CCDC47: variants seen among roughly 807,000 people sequenced by gnomAD.
CCDC47 encodes the protein coiled-coil domain containing 47, also known as PAT complex subunit CCDC47.
CCDC47 carries 41 observed loss-of-function variants against 60.5 expected under a neutral mutation model. The observed-to-expected ratio is 0.68, with a 90% confidence interval of 0.53 to 0.88. The LOEUF is 0.88. CCDC47 is among the 40% of genes least tolerant of loss of function. CCDC47 has a pLI of 0.00. For synonymous variants in CCDC47, 195 were observed against 190.7 expected, an observed-to-expected ratio of 1.02 and a Z score of -0.18; for missense variants, 513 against 580.9, an observed-to-expected ratio of 0.88 and a Z score of 1.20.
intron 6 of CCDC47, among the ~76,000 whole-genome samples, chr17:63,759,574 T>C (rs1282686331): frequency 1.2e-5 from 1 of 84,374 alleles, no homozygotes; most frequent in Non-Finnish European, 2.3e-5. Context: ...TATATATATA[T>C]ATAAAACAAT....
chr17:63,761,453 G>A, intron 4 of CCDC47, 102 bp from the exon 5 acceptor site: 2 of 1,300,214 alleles, frequency 1.5e-6, no homozygotes, highest in Non-Finnish European at 2.2e-6. Flanking sequence ...AGGCTGAGGT[G>A]GGTGGATCAC....
chr17:63,747,403 T>C, intron 12 of CCDC47: 2 of 981,778 alleles, frequency 2.0e-6, no homozygotes, highest in Non-Finnish European at 2.4e-6. Flanking sequence ...ATTGCAAATT[T>C]CTTATTAGCA....
rs1568249059 is a variant in CCDC47 at position 63,759,509 on chromosome 17, ATATATATATATATATATTTATATAT to A, written c.735+1380_735+1404del. Reference sequence around the variant, plus strand: ...GTCTCCCAAAAAAAAAAAAAAAAAAATATATATATATATATATTTATATATATATATATATATATATATATATATA... The same window carrying A: ...GTCTCCCAAAAAAAAAAAAAAAAAAAATATATATATATATATATATATATA... On this transcript the variant is annotated intron_variant, in intron 6 of 12. Coordinates refer to ENST00000225726, the MANE Select transcript of CCDC47 (RefSeq NM_020198.3). 4.0e-3 allele frequency among the ~76,000 whole-genome samples: 92 copies of A among 23,154 alleles called. 24 individuals are homozygous for A. The highest frequency in any genetic ancestry group is 0.016 in the African/African-American group (63 of 3,988). The allele number at this position is 23,154 out of a possible 152,430, so 15.2% of individuals were successfully genotyped here. A position where few individuals can be genotyped will look rare whatever the true frequency, so the allele number is the denominator to read the frequency against.
At chr17:63,771,154 G>A (rs2039338562) in intron 1 of CCDC47, among the ~76,000 whole-genome samples, 2 of 151,880 alleles carry the variant, frequency 1.3e-5, no homozygotes, top group South Asian at 2.1e-4. Context: ...GGTACAGTAG[G>A]CCCTACCCAT....
At chr17:63,764,543 G>A (rs2039283667) in intron 3 of CCDC47, among the ~76,000 whole-genome samples, 197 bp downstream of exon 3, 1 of 151,900 alleles carries the variant, frequency 6.6e-6, no homozygotes, top group African/African-American at 2.4e-5. Context: ...TGATGAATAG[G>A]GGTTGCTTCT....
chr17:63,756,165 G>A, intron 8 of CCDC47, 75 bp downstream of exon 8: 1 of 954,396 alleles, frequency 1.0e-6, no homozygotes, highest in South Asian at 1.3e-5. Flanking sequence ...TGATGAACTT[G>A]TACAATGAGA....
chr17:63,767,384 T>C (rs2039305009), intron 1 of CCDC47, among the ~76,000 whole-genome samples: 1 of 152,178 alleles, frequency 6.6e-6, no homozygotes, highest in Non-Finnish European at 1.5e-5. Flanking sequence ...AATATAATGA[T>C]ATCATATCTG....
At chr17:63,767,376 TATA>T (rs539306397) in intron 1 of CCDC47, among the ~76,000 whole-genome samples, 2 of 152,224 alleles carry the variant, frequency 1.3e-5, no homozygotes, top group South Asian at 4.1e-4. Context: ...CATTAACAAA[TATA>T]ATGATATCAT....
chr17:63,752,829 G>T, intron 9 of CCDC47, 30 bp from the exon 10 acceptor site: 3 of 1,601,850 alleles, frequency 1.9e-6, no homozygotes, highest in Non-Finnish European at 2.6e-6. Flanking sequence ...AATTAAGAAG[G>T]AATACAAGAA....
chr17:63,759,215 G>A (rs761610346), intron 6 of CCDC47, among the ~76,000 whole-genome samples: 6 of 151,782 alleles, frequency 4.0e-5, no homozygotes, highest in African/African-American at 1.2e-4. Flanking sequence ...GGGGCTGGGT[G>A]CAGTGACTCT....
intron 1 of CCDC47, among the ~76,000 whole-genome samples, chr17:63,768,554 G>T (rs1352040124): frequency 6.6e-6 from 1 of 152,056 alleles, no homozygotes; most frequent in Non-Finnish European, 1.5e-5. Flanking sequence ...GCTGGGTTTG[G>T]TGGCATGTGC....
In CCDC47 at chr17:63,764,168, C is replaced by A. The variant is rs770030036; in HGVS notation, c.395G>T (p.Ser132Ile). The change falls in exon 4 of 13, where the codon AGC becomes ATC. Residue 132 changes from serine (S) to isoleucine (I), a missense_variant. By Grantham distance (142) the Ser-to-Ile change is moderately radical. Transcript: ENST00000225726. ...IVDVPAHLQN[S>I]WESYYLEILM... ...AATTTCTAGATAATAACTCTCCCAG[C>A]TGTTCTGGAGGTGTGCAGGAACCTA... 1 of 1,610,614 alleles carries A rather than the reference C, an allele frequency of 6.2e-7. No individual in the cohort carries two copies.
chr17:63,765,081 C>G (rs544516424), intron 2 of CCDC47: 1 of 374,152 alleles, frequency 2.7e-6, no homozygotes, highest in South Asian at 1.1e-4. Context: ...GTATTGTAGA[C>G]TTGAAATCTG....
intron 9 of CCDC47, chr17:63,753,743 A>C (rs1172337263): frequency 2.7e-6 from 1 of 376,652 alleles, no homozygotes; most frequent in African/African-American, 2.2e-5. Context: ...AAAGGCCATA[A>C]ATTACAAAAC....
At chr17:63,751,635 A>G in intron 12 of CCDC47, 1 of 523,808 alleles carries the variant, frequency 1.9e-6, no homozygotes, top group Non-Finnish European at 3.4e-6. Flanking sequence ...GCCTTCTATT[A>G]AAATTTCTAA....
At chr17:63,752,852 T>C (rs569241101) in intron 9 of CCDC47, 53 bp from the exon 10 acceptor site, 10 of 1,588,976 alleles carry the variant, frequency 6.3e-6, no homozygotes, top group Non-Finnish European at 8.6e-6. Context: ...ATGTTTTCCA[T>C]GTACACAAGT....
Position 63,759,534 on chromosome 17 carries a change from TATA to T in CCDC47, c.735+1377_735+1379del, listed in dbSNP as rs2039237555. On this transcript the variant is annotated intron_variant, in intron 6 of 12. Transcript: ENST00000225726. ...ATATATATATATATATATTTATATA[TATA>T]TATATATATATATATATATATATAT... 4.3e-4 allele frequency among the ~76,000 whole-genome samples: 3 copies of T among 7,028 alleles called. 1 individual carries two copies. The highest frequency in any genetic ancestry group is 5.7e-3 in the East Asian group (2 of 350). The allele number at this position is 7,028 out of a possible 152,430, so 4.6% of individuals were successfully genotyped here.
chr17:63,757,581 T>C (rs2039217207), intron 6 of CCDC47, among the ~76,000 whole-genome samples: 3 of 152,002 alleles, frequency 2.0e-5, no homozygotes, highest in Non-Finnish European at 4.4e-5. Context: ...ACATAATAAA[T>C]GAGGGTTGTT....
chr17:63,760,982 G>GA lies in CCDC47; in HGVS notation c.670-4dup, dbSNP rs1325127272. 3.7e-6 allele frequency: 6 copies of GA among 1,611,828 alleles called. No homozygotes were observed. The highest frequency in any genetic ancestry group is 5.1e-6 in the Non-Finnish European group (6 of 1,178,538). ...AGTAAGTCTTGTCTCTTGAGGAACTGAAAAAAATGAGAGAAGTAAGTAAAT... is the reference window on the plus strand; with the variant it reads ...AGTAAGTCTTGTCTCTTGAGGAACTGAAAAAAAATGAGAGAAGTAAGTAAAT... On this transcript the variant is annotated splice_region_variant and splice_polypyrimidine_tract_variant and intron_variant, in intron 5 of 12. Transcript: ENST00000225726.
Sources: allele counts gnomAD v4.1 joint callset (sites outside exome capture counted in the v4.1 genomes callset), GRCh38; gene constraint gnomAD v4.1.1; transcripts MANE v1.5; gene names NCBI Gene and HGNC (gene_info 2026-07-23, HGNC 2026-07-21).